Variants in MPPED1 observed in about 807,000 individuals in gnomAD.
MPPED1 encodes the protein metallophosphoesterase domain containing 1, also known as metallophosphoesterase domain-containing protein 1.
Under a neutral mutation model 36.2 loss-of-function variants are expected in MPPED1, and 16 were observed. The observed-to-expected ratio is 0.44, with a 90% confidence interval of 0.30 to 0.67. MPPED1 has a LOEUF of 0.67. Among genes scored for constraint, MPPED1 ranks in the 30% least tolerant of loss-of-function variants. MPPED1 has a pLI of 0.10. For synonymous variants in MPPED1, 199 were observed against 191.3 expected, an observed-to-expected ratio of 1.04 and a Z score of -0.33; for missense variants, 307 against 453.4, an observed-to-expected ratio of 0.68 and a Z score of 2.93.
rs1343277194 is a variant in MPPED1, at chr22:43,424,911, GT to G, written c.-72del. Reference sequence around the variant, plus strand: ...CGGTTCTGCTCCGTCTCCTCAGTCTGTTTCCAGGTCTGGCGGGGGGCCGGGC... The same window carrying G: ...CGGTTCTGCTCCGTCTCCTCAGTCTGTTCCAGGTCTGGCGGGGGGCCGGGC... On this transcript the variant is annotated 5_prime_UTR_variant, in exon 2 of 7. Transcript: ENST00000443721. 1 of 1,534,556 alleles carries G rather than the reference GT, an allele frequency of 6.5e-7. No homozygotes were observed. The highest frequency in any genetic ancestry group is 8.7e-7 in the Non-Finnish European group (1 of 1,143,094).
At chr22:43,470,625 T>A (rs1423287958) in intron 3 of MPPED1, among the ~76,000 whole-genome samples, 1 of 152,236 alleles carries the variant, frequency 6.6e-6, no homozygotes, top group Non-Finnish European at 1.5e-5. Flanking sequence ...CGGGGTAGCA[T>A]GATGGTGCAG....
At chr22:43,483,960 GC>G (rs1569084956) in intron 4 of MPPED1, among the ~76,000 whole-genome samples, 1 of 152,244 alleles carries the variant, frequency 6.6e-6, no homozygotes, top group Admixed American at 6.5e-5. Flanking sequence ...TTTTCCTGAA[GC>G]CCTCTGGGGC....
At chr22:43,484,050 A>G (rs1158023403) in intron 4 of MPPED1, among the ~76,000 whole-genome samples, 6 of 152,224 alleles carry the variant, frequency 3.9e-5, no homozygotes, top group Admixed American at 2.0e-4. Context: ...CCTCACGGCC[A>G]TTAGGACTAT....
chr22:43,423,219 G>T (rs907723075), intron 1 of MPPED1, among the ~76,000 whole-genome samples: 3 of 152,224 alleles, frequency 2.0e-5, no homozygotes. Flanking sequence ...AGTCAGCCAT[G>T]CTGGGGCTTG....
intron 2 of MPPED1, among the ~76,000 whole-genome samples, chr22:43,433,289 G>T (rs766778575): frequency 6.6e-6 from 1 of 152,110 alleles, no homozygotes; most frequent in South Asian, 2.1e-4. Flanking sequence ...AAAGGTGCTG[G>T]CTGTATTGTC....
intron 5 of MPPED1, among the ~76,000 whole-genome samples, chr22:43,500,217 GTGA>G (rs1381800660): frequency 4.0e-5 from 4 of 101,250 alleles, no homozygotes; most frequent in Non-Finnish European, 5.9e-5. Context: ...GGTGGTGGGG[GTGA>G]TGGTGGAGGT....
At chr22:43,435,331 C>T (rs940499948) in intron 3 of MPPED1, 116 bp downstream of exon 3, 4 of 1,124,534 alleles carry the variant, frequency 3.6e-6, no homozygotes, top group Non-Finnish European at 5.0e-6. Context: ...CCCTCCTTGG[C>T]CTGTGCCTGC....
chr22:43,492,163 T>C (rs1293292499), intron 4 of MPPED1, among the ~76,000 whole-genome samples: 1 of 152,074 alleles, frequency 6.6e-6, no homozygotes, highest in African/African-American at 2.4e-5. Flanking sequence ...TTACATGGAT[T>C]AACTGATTTA....
intron 4 of MPPED1, among the ~76,000 whole-genome samples, chr22:43,481,512 A>G (rs1377176787): frequency 6.6e-6 from 1 of 152,132 alleles, no homozygotes. Context: ...GTTCCTCATA[A>G]TAAGTATTTG....
At chr22:43,470,874 T>C (rs1320421205) in intron 3 of MPPED1, among the ~76,000 whole-genome samples, 1 of 152,238 alleles carries the variant, frequency 6.6e-6, no homozygotes, top group Non-Finnish European at 1.5e-5. Context: ...CAGAGGGATG[T>C]GGTGCTGGAC....
intron 3 of MPPED1, among the ~76,000 whole-genome samples, chr22:43,442,187 T>G (rs1185001997): frequency 6.6e-6 from 1 of 151,964 alleles, no homozygotes; most frequent in Admixed American, 6.5e-5. Flanking sequence ...GAAACCAACC[T>G]TGGATGCGGA....
At chr22:43,435,252 A>G (rs1271554250) in intron 3 of MPPED1, 37 bp downstream of exon 3, 3 of 1,572,064 alleles carry the variant, frequency 1.9e-6, no homozygotes, top group Middle Eastern at 3.3e-4. Flanking sequence ...GGCTGTGCTG[A>G]GCAGGAAGGG....
chr22:43,434,282 G>A (rs1417672211), intron 2 of MPPED1, among the ~76,000 whole-genome samples: 1 of 152,244 alleles, frequency 6.6e-6, no homozygotes, highest in Non-Finnish European at 1.5e-5. Context: ...AGCCCTGGAA[G>A]GCCCTTGGTC....
At chr22:43,457,761 A>G (rs1299133836) in intron 3 of MPPED1, among the ~76,000 whole-genome samples, 1 of 152,200 alleles carries the variant, frequency 6.6e-6, no homozygotes, top group Non-Finnish European at 1.5e-5. Context: ...ACCTAATTTC[A>G]TAAATATACA....
intron 5 of MPPED1, among the ~76,000 whole-genome samples, chr22:43,501,468 G>C (rs751131179): frequency 6.6e-6 from 1 of 150,952 alleles, no homozygotes; most frequent in Non-Finnish European, 1.5e-5. Context: ...CGCCCCGCCC[G>C]GGCCCCTTCA....
At chr22:43,460,059 T>G (rs1015979321) in intron 3 of MPPED1, among the ~76,000 whole-genome samples, 10 of 151,952 alleles carry the variant, frequency 6.6e-5, no homozygotes, top group African/African-American at 2.4e-4. Flanking sequence ...ATACAAAAAT[T>G]AGCCGGGTGT....
rs1932759494 is a variant in MPPED1, at chr22:43,502,754, G to A, written c.859G>A (p.Glu287Lys). The A allele has an allele frequency of 1.2e-6, 2 of 1,613,164 alleles. No individual in the cohort carries two copies. The highest frequency in any genetic ancestry group is 1.1e-5 in the South Asian group (1 of 91,080). The change falls in exon 6 of 7, where the codon GAA (glutamate) becomes AAA (lysine). Residue 287 changes from glutamate to lysine, a missense_variant. This residue lies in a region of MPPED1 where 132 missense variants were observed against 212.3 expected (regional missense o/e 0.62). Coordinates refer to ENST00000443721, the MANE Select transcript of MPPED1 (RefSeq NM_001044370.2). The surrounding 1 kb of genome is among the most constrained non-coding windows in gnomAD (Gnocchi z 5.5). ...GTTACATGTCTTTGGCCACATCCAC[G>A]AAGGTCAGTACGTAGCGGAGACAGG... is the stretch of plus-strand genomic sequence containing the variant. ...PRLHVFGHIH[E>K]GYGVMADGTT...
In MPPED1 at chr22:43,493,697, C is replaced by T. The variant is rs553707560; in HGVS notation, c.633-4538C>T. On this transcript the variant is annotated intron_variant, in intron 4 of 6. Transcript: ENST00000443721. ...TCCCAGTAATGTACATACTTGGGGCCTGGCAGAACAGTAGGTGCACAGGAA... is the reference window on the plus strand; with the variant it reads ...TCCCAGTAATGTACATACTTGGGGCTTGGCAGAACAGTAGGTGCACAGGAA... Among the ~76,000 whole-genome samples, 26 of 152,272 alleles carry T rather than the reference C, an allele frequency of 1.7e-4. 1 individual carries two copies. Among genetic ancestry groups the T allele is most frequent in the Middle Eastern group, 3.4e-3 (1 of 294 alleles).
intron 5 of MPPED1, among the ~76,000 whole-genome samples, chr22:43,499,592 AG>A (rs1932564222): frequency 1.2e-4 from 1 of 8,360 alleles, no homozygotes; most frequent in Non-Finnish European, 2.2e-4. Flanking sequence ...TGGTGGTGGT[AG>A]TGGAGGTGGT....
Sources: allele counts gnomAD v4.1 joint callset (sites outside exome capture counted in the v4.1 genomes callset), GRCh38; gene constraint gnomAD v4.1.1; regional missense constraint gnomAD v4.1.1; non-coding constraint Gnocchi (gnomAD v3.1); transcripts MANE v1.5; gene names NCBI Gene and HGNC (gene_info 2026-07-23, HGNC 2026-07-21).